The following HTR1F variants were observed in gnomAD, a reference collection of about 807,000 sequenced individuals.
HTR1F encodes 5-hydroxytryptamine (serotonin) receptor 1F, G protein-coupled.
A neutral mutation model predicts 24.0 loss-of-function variants in HTR1F; 17 were observed. That is an observed-to-expected ratio of 0.71 (90% CI 0.48 to 1.06). The LOEUF (loss-of-function observed/expected upper bound fraction) is 1.06, where lower values mean the gene tolerates loss of function less well. HTR1F is among the 50% of genes least tolerant of loss of function. The pLI, the probability that HTR1F is intolerant of heterozygous loss-of-function variation, is 0.00. For missense variants in HTR1F, 391 were observed against 427.8 expected, an observed-to-expected ratio of 0.91 and a Z score of 0.76; for synonymous variants, 186 against 156.8, an observed-to-expected ratio of 1.19 and a Z score of -1.39.
rs570029148 is a variant in HTR1F, at chr3:87,841,591, A to G, written c.-43+19467A>G. Among the ~76,000 whole-genome samples, 11 of 151,734 alleles carry G rather than the reference A, an allele frequency of 7.2e-5. 1 individual carries two copies. The highest frequency in any genetic ancestry group is 1.9e-4 in the East Asian group (1 of 5,180). ...AAATTCTAGATTTCTGTGAAGCTCA[A>G]TGACCTTAAAAACTAAACTAACATA... On this transcript the variant is annotated intron_variant, in intron 2 of 2. Transcript: ENST00000319595.
intron 2 of HTR1F, among the ~76,000 whole-genome samples, chr3:87,938,383 A>G (rs1183228769): frequency 6.6e-6 from 1 of 152,214 alleles, no homozygotes; most frequent in Non-Finnish European, 1.5e-5. Context: ...TTATACATCC[A>G]GTGCTATTCC....
chr3:87,903,080 A>T (rs1576008514), intron 2 of HTR1F, among the ~76,000 whole-genome samples: 1 of 152,108 alleles, frequency 6.6e-6, no homozygotes, highest in South Asian at 2.1e-4. Context: ...ATATGTAGAA[A>T]GCTGAAACTG....
intron 2 of HTR1F, among the ~76,000 whole-genome samples, chr3:87,919,078 C>T (rs979665557): frequency 5.9e-5 from 9 of 151,976 alleles, no homozygotes; most frequent in Non-Finnish European, 1.3e-4. Flanking sequence ...CAAATGCTTA[C>T]AGCCAACTGA....
intron 2 of HTR1F, among the ~76,000 whole-genome samples, chr3:87,937,123 C>A (rs1323927309): frequency 2.0e-5 from 3 of 148,086 alleles, no homozygotes; most frequent in African/African-American, 7.5e-5. Context: ...CTCCCCAACT[C>A]ATTCTATGAG....
At chr3:87,845,426 C>G (rs1196250045) in intron 2 of HTR1F, among the ~76,000 whole-genome samples, 1 of 148,880 alleles carries the variant, frequency 6.7e-6, no homozygotes, top group African/African-American at 2.5e-5. Flanking sequence ...ACAAGCATTC[C>G]TATACACCAA....
chr3:87,842,431 C>T (rs770146128), intron 2 of HTR1F, among the ~76,000 whole-genome samples: 2 of 151,614 alleles, frequency 1.3e-5, no homozygotes, highest in Middle Eastern at 3.4e-3. Flanking sequence ...CAAAGTGCTG[C>T]GATTACAGGT....
intron 2 of HTR1F, among the ~76,000 whole-genome samples, chr3:87,945,725 A>C (rs1258281670): frequency 6.6e-6 from 1 of 152,180 alleles, no homozygotes; most frequent in East Asian, 1.9e-4. Flanking sequence ...AGCCACGCTA[A>C]TCGTTTTTAA....
At chr3:87,831,422 G>A (rs1423166964) in intron 2 of HTR1F, among the ~76,000 whole-genome samples, 1 of 150,912 alleles carries the variant, frequency 6.6e-6, no homozygotes, top group Non-Finnish European at 1.5e-5. Context: ...AAGTGCAGTG[G>A]CGCCATCTCG....
intron 2 of HTR1F, among the ~76,000 whole-genome samples, chr3:87,988,221 A>G (rs979432693): frequency 6.6e-6 from 1 of 151,844 alleles, no homozygotes; most frequent in Non-Finnish European, 1.5e-5. Flanking sequence ...AAATTCAAGA[A>G]CCACTTTTTT....
In HTR1F at chr3:87,990,991, T is replaced by C; in HGVS notation, c.242T>C (p.Ile81Thr). Residue 81 changes from isoleucine (I) to threonine (T), a missense_variant, in exon 3 of 3, where the codon ATT (isoleucine) becomes ACT (threonine). Coordinates refer to ENST00000319595, the MANE Select transcript of HTR1F (RefSeq NM_001322209.2). ...GCTGTCCTGGTGATGCCCTTCAGCA[T>C]TGTGTATATTGTGAGAGAGAGCTGG... The part of the protein sequence containing the change: ...LVAVLVMPFS[I>T]VYIVRESWIM... 3.1e-6 allele frequency: 5 copies of C among 1,614,140 alleles called. No individual in the cohort carries two copies. Among genetic ancestry groups the C allele is most frequent in the Non-Finnish European group, 4.2e-6 (5 of 1,180,018 alleles).
intron 1 of HTR1F, among the ~76,000 whole-genome samples, chr3:87,802,841 G>A (rs1704016526): frequency 6.6e-6 from 1 of 152,134 alleles, no homozygotes; most frequent in Non-Finnish European, 1.5e-5. Flanking sequence ...GAAATAATAA[G>A]TCGCAGATTT....
rs919805692 is a variant in HTR1F, at chr3:87,991,013, C to A, written c.264C>A (p.Ser88Arg). Residue 88 changes from serine to arginine, a missense_variant, in exon 3 of 3, where the codon AGC (serine) becomes AGA (arginine). Ser to Arg is a moderately radical substitution (Grantham distance 110, BLOSUM62 -1). Coordinates refer to ENST00000319595, the MANE Select transcript of HTR1F (RefSeq NM_001322209.2). Reference sequence around the variant, plus strand: ...GCATTGTGTATATTGTGAGAGAGAGCTGGATTATGGGGCAAGTGGTCTGTG... The same window carrying A: ...GCATTGTGTATATTGTGAGAGAGAGATGGATTATGGGGCAAGTGGTCTGTG... ...PFSIVYIVRE[S>R]WIMGQVVCDI... 7 of 1,613,968 alleles carry A rather than the reference C, an allele frequency of 4.3e-6. No individual in the cohort carries two copies. The highest frequency in any genetic ancestry group is 5.9e-6 in the Non-Finnish European group (7 of 1,180,034).
chr3:87,855,070 A>G (rs751351068), intron 2 of HTR1F, among the ~76,000 whole-genome samples: 1 of 151,942 alleles, frequency 6.6e-6, no homozygotes, highest in Non-Finnish European at 1.5e-5. Context: ...ACATTTCTTC[A>G]TATATTCAAT....
intron 2 of HTR1F, among the ~76,000 whole-genome samples, chr3:87,863,449 A>T (rs1705360242): frequency 2.0e-5 from 3 of 152,218 alleles, no homozygotes; most frequent in African/African-American, 7.2e-5. Context: ...CTTGGATGAG[A>T]TAGCCTCAGC....
chr3:87,838,434 T>C (rs1704727879), intron 2 of HTR1F, among the ~76,000 whole-genome samples: 1 of 152,186 alleles, frequency 6.6e-6, no homozygotes, highest in Admixed American at 6.5e-5. Context: ...ATCACCACTC[T>C]GTTTTCCATC....
chr3:87,823,748 G>GGATT (rs1008013958), intron 2 of HTR1F, among the ~76,000 whole-genome samples: 1 of 151,694 alleles, frequency 6.6e-6, no homozygotes, highest in African/African-American at 2.4e-5. Context: ...CAAAGTGCTG[G>GGATT]GATTACAGGC....
intron 2 of HTR1F, among the ~76,000 whole-genome samples, chr3:87,946,694 C>A (rs1374121384): frequency 6.6e-6 from 1 of 150,766 alleles, no homozygotes; most frequent in Non-Finnish European, 1.5e-5. Context: ...CAATCTCGGG[C>A]TGCTCACTAT....
At chr3:87,881,923 A>G (rs1170138882) in intron 2 of HTR1F, among the ~76,000 whole-genome samples, 1 of 152,172 alleles carries the variant, frequency 6.6e-6, no homozygotes, top group Non-Finnish European at 1.5e-5. Flanking sequence ...TGAACAGGCA[A>G]CCCACAAAAT....
At chr3:87,960,261 T>G (rs1254932170) in intron 2 of HTR1F, among the ~76,000 whole-genome samples, 6 of 151,984 alleles carry the variant, frequency 3.9e-5, no homozygotes, top group African/African-American at 1.4e-4. Flanking sequence ...TTTACCCCTG[T>G]GAGTGGCTAC....
Sources: gnomAD v4.1 joint callset for allele counts (sites outside exome capture counted in the v4.1 genomes callset) on GRCh38, gnomAD v4.1.1 for gene constraint, MANE v1.5 for transcripts, NCBI Gene and HGNC (gene_info 2026-07-23, HGNC 2026-07-21) for gene names.